Variants in FDFT1 observed in about 807,000 individuals in gnomAD.
FDFT1 encodes farnesyl-diphosphate farnesyltransferase 1.
A neutral mutation model predicts 46.8 loss-of-function variants in FDFT1; 68 were observed. The ratio of observed to expected loss-of-function variants is 1.45; its 90% CI spans 1.19 to 1.78. The LOEUF (loss-of-function observed/expected upper bound fraction) is 1.78, where lower values mean the gene tolerates loss of function less well. FDFT1 is among the 40% of genes most tolerant of loss of function. The pLI is 0.00. For synonymous variants in FDFT1, 351 were observed against 185.1 expected, an observed-to-expected ratio of 1.90 and a Z score of -7.28; for missense variants, 928 against 524.4, an observed-to-expected ratio of 1.77 and a Z score of -7.52.
chr8:11,809,517 T>C (rs997301454), intron 2 of FDFT1, 150 bp from the exon 3 acceptor site: 10 of 1,314,676 alleles, frequency 7.6e-6, no homozygotes, highest in South Asian at 4.0e-5. Flanking sequence ...AATGTAACTT[T>C]CGTTAAGTAT....
At chr8:11,804,856 G>C (rs1396980899) in intron 1 of FDFT1, among the ~76,000 whole-genome samples, 1 of 150,438 alleles carries the variant, frequency 6.6e-6, no homozygotes, top group African/African-American at 2.5e-5. Flanking sequence ...TGATCTGCTC[G>C]CCTTGGTCTC....
chr8:11,806,617 C>T (rs569687573), intron 1 of FDFT1, among the ~76,000 whole-genome samples: 22 of 152,272 alleles, frequency 1.4e-4, no homozygotes, highest in African/African-American at 5.1e-4. Context: ...CCTGGCTTAA[C>T]ATCACCCCGA....
At chr8:11,827,075 C>G (rs1373296385) in intron 5 of FDFT1, among the ~76,000 whole-genome samples, 2 of 152,138 alleles carry the variant, frequency 1.3e-5, no homozygotes, top group African/African-American at 2.4e-5. Context: ...TGATTTTGTT[C>G]AGAAGGAAAG....
rs1156681772 is a variant in FDFT1 at position 11,835,099 on chromosome 8, G to C, written c.1033-3289G>C. Among the ~76,000 whole-genome samples, 3 of 152,192 alleles carry C rather than the reference G, an allele frequency of 2.0e-5. No homozygotes were observed. In the East Asian group the frequency reaches 5.8e-4, roughly 29 times the overall value. On this transcript the variant is annotated intron_variant, in intron 7 of 7. Transcript: ENST00000220584. ...AGATGGCACCACTGCACTCCAGCCT[G>C]GGCAACAGGGTGAAGGCCCTTTCTC... is the stretch of plus-strand genomic sequence containing the variant.
chr8:11,800,627 G>A (rs1173326784), upstream of FDFT1, among the ~76,000 whole-genome samples: 1 of 152,192 alleles, frequency 6.6e-6, no homozygotes, highest in Non-Finnish European at 1.5e-5. Flanking sequence ...ATGCTTTCTT[G>A]GACCACTATA....
upstream of FDFT1, among the ~76,000 whole-genome samples, chr8:11,799,764 G>T (rs1805915712): frequency 6.6e-6 from 1 of 152,048 alleles, no homozygotes; most frequent in African/African-American, 2.4e-5. Context: ...TAACCAACAT[G>T]GTGAAACCCT....
intron 7 of FDFT1, 92 bp downstream of exon 7, chr8:11,831,762 C>T (rs1344762221): frequency 5.7e-6 from 6 of 1,059,152 alleles, no homozygotes; most frequent in African/African-American, 4.7e-5. Flanking sequence ...TTAGATGATC[C>T]TAACAATTCA....
chr8:11,834,079 T>C (rs1444919849), intron 7 of FDFT1, among the ~76,000 whole-genome samples: 1 of 152,276 alleles, frequency 6.6e-6, no homozygotes, highest in Non-Finnish European at 1.5e-5. Flanking sequence ...TTCTCCTTGC[T>C]GACCAAGTCT....
At chr8:11,824,118 C>T (rs1321915253) in intron 4 of FDFT1, among the ~76,000 whole-genome samples, 2 of 152,154 alleles carry the variant, frequency 1.3e-5, no homozygotes, top group Non-Finnish European at 2.9e-5. Context: ...TCTCCACAGC[C>T]TCCCAAAATT....
intron 3 of FDFT1, among the ~76,000 whole-genome samples, chr8:11,818,685 C>T (rs1158105785): frequency 1.3e-5 from 2 of 151,822 alleles, no homozygotes; most frequent in Non-Finnish European, 2.9e-5. Context: ...GATTGCATTC[C>T]CTGCTTTTTT....
rs554887482 is a variant in FDFT1, at chr8:11,838,696, T to C, written c.*87T>C. 3.6e-5 allele frequency: 38 copies of C among 1,055,636 alleles called. No homozygotes were observed. The highest frequency in any genetic ancestry group is 4.4e-4 in the Middle Eastern group (2 of 4,548). The allele number at this position is 1,055,636 out of a possible 1,614,324, so 65.4% of individuals were successfully genotyped here. ...TGGATGTTGTGTTCTCTTTATTTTTTTCCTACTACTTTAATCCCTAAAAGA... is the reference window on the plus strand; with the variant it reads ...TGGATGTTGTGTTCTCTTTATTTTTCTCCTACTACTTTAATCCCTAAAAGA... On this transcript the variant is annotated 3_prime_UTR_variant, in exon 8 of 8. Coordinates refer to ENST00000220584, the MANE Select transcript of FDFT1 (RefSeq NM_004462.5).
Position 11,808,615 on chromosome 8 carries a change from C to T in FDFT1, c.100-179C>T, listed in dbSNP as rs186055179. 19 of 1,390,612 alleles carry T rather than the reference C, an allele frequency of 1.4e-5. No individual in the cohort carries two copies. The African/African-American group carries it at 1.5e-4, about 11-fold the overall frequency. The allele number at this position is 1,390,612 out of a possible 1,614,324, so 86.1% of individuals were successfully genotyped here. A position where few individuals can be genotyped will look rare whatever the true frequency, so the allele number is the denominator to read the frequency against. ...GCGCCCAGGGGCCCGGGCGCAGGCACCGCCCCGCGGGGCTGCTGCTTGCCT... is the reference window on the plus strand; with the variant it reads ...GCGCCCAGGGGCCCGGGCGCAGGCATCGCCCCGCGGGGCTGCTGCTTGCCT... On this transcript the variant is annotated intron_variant, in intron 1 of 7. Transcript: ENST00000220584.
At chr8:11,807,053 C>T (rs948843638) in intron 1 of FDFT1, among the ~76,000 whole-genome samples, 6 of 151,888 alleles carry the variant, frequency 4.0e-5, no homozygotes, top group Non-Finnish European at 5.9e-5. Flanking sequence ...TTCACTTAAA[C>T]CTCCCACCAG....
chr8:11,819,030 T>C (rs948196675), intron 3 of FDFT1, among the ~76,000 whole-genome samples: 4 of 152,216 alleles, frequency 2.6e-5, no homozygotes, highest in African/African-American at 9.6e-5. Flanking sequence ...CTTCAGGAGC[T>C]CTTTTAGGGC....
At chr8:11,799,699 G>A (rs535027621), upstream of FDFT1, among the ~76,000 whole-genome samples, 8 of 151,808 alleles carry the variant, frequency 5.3e-5, no homozygotes, top group South Asian at 4.2e-4. Flanking sequence ...TGTAATCCCA[G>A]TACCTGGGGA....
upstream of FDFT1, among the ~76,000 whole-genome samples, chr8:11,801,353 C>T (rs907815604): frequency 6.6e-6 from 1 of 152,204 alleles, no homozygotes; most frequent in African/African-American, 2.4e-5. Flanking sequence ...AAGTCTCGCT[C>T]TTGTCCCCCA....
Position 11,808,854 on chromosome 8 carries a change from T to A in FDFT1, c.160T>A (p.Phe54Ile). The A allele has an allele frequency of 1.2e-6, 2 of 1,614,070 alleles. No homozygotes were observed. Among genetic ancestry groups the A allele is most frequent in the Non-Finnish European group, 8.5e-7 (1 of 1,179,996 alleles). Residue 54 changes from phenylalanine to isoleucine, a missense_variant, in exon 2 of 8, where the codon TTC becomes ATC. By Grantham distance (21) the Phe-to-Ile change is conservative (BLOSUM62 0). Coordinates refer to ENST00000220584, the MANE Select transcript of FDFT1 (RefSeq NM_004462.5). ...YKYLNQTSRS[F>I]AAVIQALDGE... ...GTATCTCAATCAGACCAGTCGCAGT[T>A]TCGCAGCTGTTATCCAGGCGCTGGA...
At chr8:11,814,691 G>A (rs1213202944) in intron 3 of FDFT1, among the ~76,000 whole-genome samples, 1 of 152,154 alleles carries the variant, frequency 6.6e-6, no homozygotes, top group African/African-American at 2.4e-5. Flanking sequence ...CTTGGACTAT[G>A]GAAAAAGTAT....
intron 1 of FDFT1, among the ~76,000 whole-genome samples, chr8:11,796,398 C>T (rs976382395): frequency 2.6e-5 from 4 of 152,158 alleles, no homozygotes; most frequent in African/African-American, 9.7e-5. Flanking sequence ...TATTAGAATA[C>T]AGAAAGTTCA....
Sources: gnomAD v4.1 joint callset for allele counts (sites outside exome capture counted in the v4.1 genomes callset) on GRCh38, gnomAD v4.1.1 for gene constraint, MANE v1.5 for transcripts, NCBI Gene and HGNC (gene_info 2026-07-23, HGNC 2026-07-21) for gene names.